Variants in ENOX1 observed in about 807,000 individuals in gnomAD.
The protein encoded by ENOX1 is candidate growth-related and time keeping constitutive hydroquinone (NADH) oxidase.
A neutral mutation model predicts 82.5 loss-of-function variants in ENOX1; 42 were observed. The ratio of observed to expected loss-of-function variants is 0.51; its 90% confidence interval spans 0.40 to 0.66. ENOX1 has a LOEUF of 0.66. ENOX1 is among the 30% of genes least tolerant of loss of function. The probability of loss-of-function intolerance (pLI) is 0.00; values close to 1 mark genes in which losing one functional copy is unlikely to be tolerated. For missense variants in ENOX1, 608 were observed against 811.6 expected, an observed-to-expected ratio of 0.75 and a Z score of 3.05; for synonymous variants, 271 against 282.2, an observed-to-expected ratio of 0.96 and a Z score of 0.40.
At chr13:43,589,421 G>A (rs1593978233) in intron 2 of ENOX1, among the ~76,000 whole-genome samples, 1 of 152,124 alleles carries the variant, frequency 6.6e-6, no homozygotes, top group South Asian at 2.1e-4. Flanking sequence ...GAAAATAATT[G>A]TCTCCCCTCA....
intron 5 of ENOX1, among the ~76,000 whole-genome samples, chr13:43,370,689 G>A (rs1160089033): frequency 1.3e-5 from 2 of 152,116 alleles, no homozygotes; most frequent in African/African-American, 2.4e-5. Flanking sequence ...TTCTTTTAAT[G>A]GCACCACTCC....
intron 1 of ENOX1, among the ~76,000 whole-genome samples, chr13:43,723,412 G>A (rs959133179): frequency 1.3e-5 from 2 of 152,052 alleles, no homozygotes; most frequent in Non-Finnish European, 2.9e-5. Flanking sequence ...TTACTCAGGA[G>A]CCTTGTAAGT....
At chr13:43,315,503 G>A (rs76654806) in intron 11 of ENOX1, among the ~76,000 whole-genome samples, 2 of 152,302 alleles carry the variant, frequency 1.3e-5, no homozygotes, top group Admixed American at 6.5e-5. Context: ...TTACAAAGTT[G>A]CCCAGATTCT....
chr13:43,325,122 T>C (rs971033091), intron 10 of ENOX1, among the ~76,000 whole-genome samples: 6 of 152,160 alleles, frequency 3.9e-5, no homozygotes, highest in Non-Finnish European at 8.8e-5. Flanking sequence ...TTTTTAATCT[T>C]GAAAATCAGC....
chr13:43,680,816 T>C (rs1420352469), intron 1 of ENOX1, among the ~76,000 whole-genome samples: 4 of 152,128 alleles, frequency 2.6e-5, no homozygotes, highest in African/African-American at 9.7e-5. Flanking sequence ...CTATAACAGA[T>C]GTCAGGAAAT....
At chr13:43,631,446 A>G (rs1310034935) in intron 2 of ENOX1, among the ~76,000 whole-genome samples, 1 of 152,116 alleles carries the variant, frequency 6.6e-6, no homozygotes, top group East Asian at 1.9e-4. Flanking sequence ...GGGCTCTTTC[A>G]GCTTGCACAA....
At chr13:43,279,883 T>C (rs183688882) in intron 12 of ENOX1, among the ~76,000 whole-genome samples, 15 of 152,292 alleles carry the variant, frequency 9.8e-5, no homozygotes, top group African/African-American at 3.6e-4. Context: ...GCTGAAAACA[T>C]AGGCCAGCCA....
At chr13:43,221,957 G>A (rs1330480280) in intron 16 of ENOX1, among the ~76,000 whole-genome samples, 1 of 152,142 alleles carries the variant, frequency 6.6e-6, no homozygotes, top group Non-Finnish European at 1.5e-5. Flanking sequence ...GATCCCTGGT[G>A]CCCAGCAGTT....
intron 15 of ENOX1, among the ~76,000 whole-genome samples, chr13:43,234,079 C>T (rs550112287): frequency 6.6e-6 from 1 of 152,306 alleles, no homozygotes; most frequent in Non-Finnish European, 1.5e-5. Context: ...TATCTAGATT[C>T]CAGAAGCTTC....
intron 16 of ENOX1, among the ~76,000 whole-genome samples, chr13:43,219,509 C>T (rs188009863): frequency 5.9e-5 from 9 of 152,168 alleles, no homozygotes; most frequent in Admixed American, 5.2e-4. Flanking sequence ...TTGATATTGT[C>T]AGTGGATTCT....
At chr13:43,503,534 C>T (rs189217337) in intron 2 of ENOX1, among the ~76,000 whole-genome samples, 2 of 151,660 alleles carry the variant, frequency 1.3e-5, no homozygotes, top group East Asian at 3.9e-4. Flanking sequence ...TAAAAACAGG[C>T]ATATGGAACA....
intron 12 of ENOX1, among the ~76,000 whole-genome samples, chr13:43,289,633 A>G (rs2045890471): frequency 6.6e-6 from 1 of 152,214 alleles, no homozygotes; most frequent in Non-Finnish European, 1.5e-5. Flanking sequence ...CTAGAAGCCA[A>G]TCTGGAAATT....
intron 5 of ENOX1, among the ~76,000 whole-genome samples, chr13:43,404,898 G>T (rs1035454270): frequency 6.6e-6 from 1 of 152,154 alleles, no homozygotes; most frequent in African/African-American, 2.4e-5. Context: ...TTGATAGTGA[G>T]AAATCTTTCA....
Position 43,388,428 on chromosome 13 carries a change from T to C in ENOX1, c.208+23488A>G, listed in dbSNP as rs544105110. 7.9e-5 allele frequency among the ~76,000 whole-genome samples: 12 copies of C among 152,258 alleles called. No homozygotes were observed. The South Asian group carries it at 2.5e-3, about 32-fold the overall frequency. ...GTGTTTCTTTGTACTCCATTACTCTTTGGGGTAAAACCTGTTTGACAACTC... is the reference window on the plus strand; with the variant it reads ...GTGTTTCTTTGTACTCCATTACTCTCTGGGGTAAAACCTGTTTGACAACTC... On this transcript the variant is annotated intron_variant, in intron 5 of 16. Coordinates refer to ENST00000690772, the MANE Select transcript of ENOX1 (RefSeq NM_001347969.2).
intron 3 of ENOX1, chr13:43,459,094 A>G (rs1488747340): frequency 6.6e-6 from 1 of 152,240 alleles, no homozygotes; most frequent in African/African-American, 2.4e-5. Flanking sequence ...TCCCTCCTAT[A>G]GCAGCATACA....
chr13:43,466,524 C>G (rs1398483250), intron 3 of ENOX1, among the ~76,000 whole-genome samples: 1 of 152,056 alleles, frequency 6.6e-6, no homozygotes, highest in Non-Finnish European at 1.5e-5. Flanking sequence ...TAGAAAGGAA[C>G]AAAACTTTCT....
chr13:43,544,679 T>C (rs2078897204), intron 2 of ENOX1: 1 of 152,168 alleles, frequency 6.6e-6, no homozygotes, highest in Non-Finnish European at 1.5e-5. Flanking sequence ...GCTGGGAGCA[T>C]AATCACAAGA....
At chr13:43,733,569 C>T (rs2089458346) in intron 1 of ENOX1, among the ~76,000 whole-genome samples, 1 of 152,122 alleles carries the variant, frequency 6.6e-6, no homozygotes, top group Non-Finnish European at 1.5e-5. Flanking sequence ...AAAAGCACTG[C>T]CCTTTAAAAA....
In ENOX1 at chr13:43,786,797, G is replaced by C. The variant is rs1217716476; in HGVS notation, c.-430C>G. 1 of 151,620 alleles carries C rather than the reference G, an allele frequency of 6.6e-6. No homozygotes were observed. The highest frequency in any genetic ancestry group is 2.0e-4 in the South Asian group (1 of 5,028). The allele number at this position is 151,620 out of a possible 1,614,324, so 9.4% of individuals were successfully genotyped here. A position where few individuals can be genotyped will look rare whatever the true frequency, so the allele number is the denominator to read the frequency against. On this transcript the variant is annotated 5_prime_UTR_variant, in exon 1 of 17. Coordinates refer to ENST00000690772, the MANE Select transcript of ENOX1 (RefSeq NM_001347969.2). The surrounding 1 kb of genome is among the most constrained non-coding windows in gnomAD (Gnocchi z 6.0). ...GGGCACGGAGCTGGGAGACGCGGCC[G>C]GGCTGCAGTCGCCGTTCCCTCTGCT...
Sources: gnomAD v4.1 joint callset for allele counts (sites outside exome capture counted in the v4.1 genomes callset) on GRCh38, gnomAD v4.1.1 for gene constraint, Gnocchi (gnomAD v3.1) non-coding constraint, MANE v1.5 for transcripts, NCBI Gene and HGNC (gene_info 2026-07-23, HGNC 2026-07-21) for gene names.